The following DNAH7 variants were observed in gnomAD, a reference collection of about 807,000 sequenced individuals.
The protein encoded by DNAH7 is dynein axonemal heavy chain 7, also known as axonemal beta dynein heavy chain 7.
Under a neutral mutation model 444.6 loss-of-function variants are expected in DNAH7, and 397 were observed. The ratio of observed to expected loss-of-function variants is 0.89; its 90% CI spans 0.82 to 0.97. The LOEUF (loss-of-function observed/expected upper bound fraction) is 0.97, where lower values mean the gene tolerates loss of function less well. DNAH7 is among the 50% of genes least tolerant of loss of function. DNAH7 has a pLI of 0.00. For synonymous variants in DNAH7, 1,636 were observed against 1,624.4 expected, an observed-to-expected ratio of 1.01 and a Z score of -0.17; for missense variants, 4,902 against 4,800.8, an observed-to-expected ratio of 1.02 and a Z score of -0.62.
At position 196,058,075 on chromosome 2, in the gene DNAH7, T is replaced by G; in HGVS notation, c.57A>C (p.Arg19Ser). Residue 19 changes from arginine to serine, a missense_variant, in exon 2 of 65, where the codon AGA (arginine) becomes AGC (serine). Physicochemically the swap from Arg to Ser is moderately radical, Grantham distance 110. Transcript: ENST00000312428. ...ASKEKSKKPV[R>S]FLPQLSMEKL... ...TTACCATAGACAGCTGTGGTAGAAA[T>G]CTTACTGGTTTCTTGGATTTTTCTT... 1 of 1,577,388 alleles carries G rather than the reference T, an allele frequency of 6.3e-7. No homozygotes were observed. Among genetic ancestry groups the G allele is most frequent in the Non-Finnish European group, 8.6e-7 (1 of 1,160,904 alleles).
chr2:195,936,819 A>G, intron 19 of DNAH7, 27 bp from the exon 20 acceptor site: 46 of 1,418,622 alleles, frequency 3.2e-5, no homozygotes, highest in Non-Finnish European at 4.1e-5. Flanking sequence ...AAAACACTCA[A>G]TTCAAAAATA....
intron 9 of DNAH7, among the ~76,000 whole-genome samples, chr2:196,014,691 T>C (rs1480896007): frequency 6.6e-6 from 1 of 152,146 alleles, no homozygotes; most frequent in Non-Finnish European, 1.5e-5. Context: ...TCTTCTCTCT[T>C]CTTACCAAGT....
intron 9 of DNAH7, among the ~76,000 whole-genome samples, chr2:196,013,221 G>T (rs1474684568): frequency 6.6e-6 from 1 of 152,134 alleles, no homozygotes. Flanking sequence ...AAAAGAGGGA[G>T]GGCTCAATGC....
intron 49 of DNAH7, among the ~76,000 whole-genome samples, chr2:195,821,181 G>T (rs1697452812): frequency 6.6e-6 from 1 of 151,592 alleles, no homozygotes; most frequent in South Asian, 2.1e-4. Flanking sequence ...AAAAGAAGAA[G>T]AAGAAGAGTC....
In DNAH7 at chr2:195,864,913, G is replaced by T. The variant is rs747696970; in HGVS notation, c.6742C>A (p.Leu2248Ile). 4.3e-6 allele frequency: 7 copies of T among 1,612,922 alleles called. No homozygotes were observed. The highest frequency in any genetic ancestry group is 5.9e-6 in the Non-Finnish European group (7 of 1,180,010). ...RNYMYEDFHE[L>I]FQRLDFDNDG... ...TTATCAAAATCCAAACGCTGAAAAA[G>T]CTCATGAAAATCTTCATACATGTAG... The change falls in exon 41 of 65, where the codon CTT (leucine) becomes ATT (isoleucine). Residue 2248 changes from leucine to isoleucine, a missense_variant. Leu to Ile is a conservative substitution (Grantham distance 5). Transcript: ENST00000312428.
intron 46 of DNAH7, among the ~76,000 whole-genome samples, chr2:195,846,949 ATGTGTGTGTGTGTGTG>A (rs35075325): frequency 1.5e-5 from 2 of 137,158 alleles, no homozygotes; most frequent in East Asian, 2.1e-4. Context: ...ACTCCCATAT[ATGTGTGTGTGTGTGTG>A]TGTGTGTGTG....
chr2:195,790,403 CGTATT>C, intron 57 of DNAH7, among the ~76,000 whole-genome samples: 1 of 151,038 alleles, frequency 6.6e-6, no homozygotes, highest in Non-Finnish European at 1.5e-5. Context: ...CCAGAGTCAT[CGTATT>C]CCCCAACTTT....
chr2:195,741,604 T>A (rs1202968886), intron 63 of DNAH7, among the ~76,000 whole-genome samples: 3 of 152,244 alleles, frequency 2.0e-5, no homozygotes, highest in African/African-American at 7.2e-5. Flanking sequence ...ATTTGTTGTG[T>A]GACCTTGAGC....
intron 56 of DNAH7, among the ~76,000 whole-genome samples, chr2:195,795,608 T>C (rs987746822): frequency 3.3e-5 from 5 of 152,134 alleles, no homozygotes; most frequent in African/African-American, 4.8e-5. Context: ...ACTTGAGAAG[T>C]AGGCAAAGGT....
intron 5 of DNAH7, among the ~76,000 whole-genome samples, chr2:196,039,238 T>A (rs1241679003): frequency 6.6e-6 from 1 of 152,026 alleles, no homozygotes; most frequent in Non-Finnish European, 1.5e-5. Flanking sequence ...TACAGGGACA[T>A]TAAATACCAA....
rs78980265 is a variant in DNAH7, at chr2:195,944,090, T to C, written c.3079-7298A>G. Among the ~76,000 whole-genome samples, 1,409 of 152,282 alleles carry C rather than the reference T, an allele frequency of 9.3e-3. 4 individuals carry two copies. The highest frequency in any genetic ancestry group is 0.021 in the Middle Eastern group (6 of 292). ...ACTGACCATCATCAACATAAATTCATACTTCTGACCAAGCACTCTTTCCAA... is the reference window on the plus strand; with the variant it reads ...ACTGACCATCATCAACATAAATTCACACTTCTGACCAAGCACTCTTTCCAA... On this transcript the variant is annotated intron_variant, in intron 19 of 64. Coordinates refer to ENST00000312428, the MANE Select transcript of DNAH7 (RefSeq NM_018897.3).
intron 5 of DNAH7, among the ~76,000 whole-genome samples, chr2:196,045,102 TGAA>T (rs1281744761): frequency 8.1e-6 from 1 of 123,996 alleles, no homozygotes; most frequent in Non-Finnish European, 1.7e-5. Flanking sequence ...AAGGAGAAGG[TGAA>T]GGAGGAGGAG....
chr2:195,764,427 T>C (rs1258647238), intron 61 of DNAH7, among the ~76,000 whole-genome samples: 2 of 152,048 alleles, frequency 1.3e-5, no homozygotes, highest in Non-Finnish European at 1.5e-5. Context: ...CACATCCAAA[T>C]TAGAAAGGAA....
In DNAH7 at chr2:195,864,381, A is replaced by G; in HGVS notation, c.7274T>C (p.Phe2425Ser). ...TATCTCTTGCTTCTCATCTAATGCA[A>G]AGAGATTTGGAATCTCCCCAGCATT... ...LLNAGEIPNL[F>S]ALDEKQEICD... The change falls in exon 41 of 65, where the codon TTT becomes TCT. Residue 2425 changes from phenylalanine (F) to serine (S), a missense_variant. Physicochemically the swap from Phe to Ser is radical, Grantham distance 155. Transcript: ENST00000312428. The G allele has an allele frequency of 6.2e-7, 1 of 1,614,204 alleles. No individual in the cohort carries two copies. Among genetic ancestry groups the G allele is most frequent in the Non-Finnish European group, 8.5e-7 (1 of 1,180,032 alleles).
chr2:195,773,957 G>T (rs747350352), intron 60 of DNAH7, among the ~76,000 whole-genome samples: 24 of 152,208 alleles, frequency 1.6e-4, no homozygotes, highest in Non-Finnish European at 1.3e-4. Flanking sequence ...AAGCTCTGCA[G>T]TTCTGGTCTC....
chr2:195,924,774 A>C (rs72915199), intron 22 of DNAH7, among the ~76,000 whole-genome samples: 4,970 of 152,256 alleles, frequency 0.033, 136 homozygotes, highest in South Asian at 0.053. Flanking sequence ...AAAACATTGA[A>C]TATGTTAGTT....
intron 58 of DNAH7, among the ~76,000 whole-genome samples, chr2:195,782,946 A>T (rs1695458525): frequency 6.6e-6 from 1 of 152,136 alleles, no homozygotes. Flanking sequence ...CACTTGAATA[A>T]CCTATAAATC....
At chr2:195,804,941 AAAG>A (rs1357609596) in intron 54 of DNAH7, among the ~76,000 whole-genome samples, 4 of 152,212 alleles carry the variant, frequency 2.6e-5, no homozygotes, top group South Asian at 4.1e-4. Context: ...AAAGTAGCTG[AAAG>A]AAGTATAAAA....
chr2:196,017,155 C>T lies in DNAH7; in HGVS notation c.869+2015G>A, dbSNP rs753533057. ...TCAGCCTCCCAAGTAGCTGGGATTACAGGCGCCCACCACCACACCCAGCTA... is the reference window on the plus strand; with the variant it reads ...TCAGCCTCCCAAGTAGCTGGGATTATAGGCGCCCACCACCACACCCAGCTA... On this transcript the variant is annotated intron_variant, in intron 9 of 64. Coordinates refer to ENST00000312428, the MANE Select transcript of DNAH7 (RefSeq NM_018897.3). 3.9e-5 allele frequency among the ~76,000 whole-genome samples: 6 copies of T among 152,180 alleles called. No individual in the cohort carries two copies. In the South Asian group the frequency reaches 1.2e-3, roughly 32 times the overall value.
Sources: allele counts gnomAD v4.1 joint callset (sites outside exome capture counted in the v4.1 genomes callset), GRCh38; gene constraint gnomAD v4.1.1; transcripts MANE v1.5; gene names NCBI Gene and HGNC (gene_info 2026-07-23, HGNC 2026-07-21).